EXOC2: variants seen among roughly 807,000 people sequenced by gnomAD.
EXOC2 encodes the protein SEC5-like 1.
In EXOC2, 70 loss-of-function variants were observed where a neutral mutation model predicts 131.8. The ratio of observed to expected loss-of-function variants is 0.53; its 90% CI spans 0.44 to 0.65. EXOC2 has a LOEUF of 0.65. Ranked by LOEUF, EXOC2 falls within the 30% of genes least tolerant of loss-of-function variation. The probability of loss-of-function intolerance (pLI) is 0.00; values close to 1 mark genes in which losing one functional copy is unlikely to be tolerated. For missense variants in EXOC2, 923 were observed against 1,108.6 expected (o/e 0.83, Z 2.38); for synonymous variants, 411 against 398.4 (o/e 1.03, Z -0.38).
At chr6:580,049 T>TTG (rs1227685153) in intron 11 of EXOC2, among the ~76,000 whole-genome samples, 2 of 20,292 alleles carry the variant, frequency 9.9e-5, no homozygotes, top group Non-Finnish European at 2.2e-4. Context: ...GTTTTTTTTG[T>TTG]TTTTTTTTTT....
intron 2 of EXOC2, among the ~76,000 whole-genome samples, chr6:633,409 G>A (rs1005187213): frequency 3.3e-5 from 5 of 152,124 alleles, no homozygotes; most frequent in African/African-American, 9.7e-5. Context: ...CTTAGATTAC[G>A]AGAATCTTAA....
intron 23 of EXOC2, among the ~76,000 whole-genome samples, chr6:511,149 G>A (rs1255720884): frequency 6.6e-6 from 1 of 152,214 alleles, no homozygotes; most frequent in Non-Finnish European, 1.5e-5. Flanking sequence ...TGCTGGGAAG[G>A]GTTCCTGCCA....
chr6:647,954 G>T (rs868330601), intron 1 of EXOC2, among the ~76,000 whole-genome samples: 1 of 151,988 alleles, frequency 6.6e-6, no homozygotes, highest in Non-Finnish European at 1.5e-5. Flanking sequence ...TCTTCCAGAC[G>T]CACAAAGCAG....
chr6:561,568 T>A (rs1364551145), intron 17 of EXOC2, among the ~76,000 whole-genome samples: 1 of 152,178 alleles, frequency 6.6e-6, no homozygotes, highest in Non-Finnish European at 1.5e-5. Context: ...CAGAAACTGC[T>A]AGTTGCCTCC....
intron 4 of EXOC2, among the ~76,000 whole-genome samples, chr6:621,726 C>T (rs1200589465): frequency 6.6e-6 from 1 of 152,120 alleles, no homozygotes; most frequent in African/African-American, 2.4e-5. Context: ...CCTCCCGATA[C>T]ATGCATGTGG....
At chr6:523,252 C>T (rs1161096327) in intron 23 of EXOC2, among the ~76,000 whole-genome samples, 1 of 152,218 alleles carries the variant, frequency 6.6e-6, no homozygotes, top group African/African-American at 2.4e-5. Flanking sequence ...ATTCAGGGCA[C>T]ACTCTTGAGA....
chr6:544,161 T>A (rs936275806), intron 22 of EXOC2, among the ~76,000 whole-genome samples: 3 of 152,236 alleles, frequency 2.0e-5, no homozygotes, highest in Non-Finnish European at 4.4e-5. Context: ...CCTTATTTCC[T>A]GCACTTCCCA....
intron 23 of EXOC2, among the ~76,000 whole-genome samples, chr6:508,385 A>G (rs1764678035): frequency 6.6e-6 from 1 of 152,190 alleles, no homozygotes; most frequent in African/African-American, 2.4e-5. Flanking sequence ...ATATATAACG[A>G]CAGGTACCAA....
At chr6:585,306 T>G (rs1759144156) in intron 11 of EXOC2, among the ~76,000 whole-genome samples, 2 of 152,068 alleles carry the variant, frequency 1.3e-5, no homozygotes, top group Admixed American at 6.5e-5. Context: ...GGCTACAGAG[T>G]TAGAGGATGC....
chr6:673,828 C>G (rs35857639), intron 1 of EXOC2, among the ~76,000 whole-genome samples: 27 of 151,998 alleles, frequency 1.8e-4, no homozygotes, highest in Admixed American at 6.6e-5. Context: ...CAAAATGTGA[C>G]GCAGAGACAT....
chr6:664,068 A>T (rs1357958270), intron 1 of EXOC2, among the ~76,000 whole-genome samples: 1 of 152,244 alleles, frequency 6.6e-6, no homozygotes, highest in African/African-American at 2.4e-5. Context: ...TAGAACTGAT[A>T]AAAGAATTCA....
chr6:648,166 A>G (rs1325779788), intron 1 of EXOC2, among the ~76,000 whole-genome samples: 2 of 152,188 alleles, frequency 1.3e-5, no homozygotes, highest in Non-Finnish European at 1.5e-5. Flanking sequence ...GCGACATAAT[A>G]TACACTCAGT....
chr6:527,955 T>C (rs578108631), intron 23 of EXOC2, among the ~76,000 whole-genome samples: 2 of 152,332 alleles, frequency 1.3e-5, no homozygotes, highest in African/African-American at 4.8e-5. Context: ...CAATGTGTAT[T>C]TGTAAGTAAA....
At chr6:658,645 T>TTATATATATATATATA (rs373868934) in intron 1 of EXOC2, among the ~76,000 whole-genome samples, 1 of 118,348 alleles carries the variant, frequency 8.4e-6, no homozygotes, top group African/African-American at 3.1e-5. Flanking sequence ...TATATATATT[T>TTATATATATATATATA]TATATATATA....
rs183684693 is a variant in EXOC2, at chr6:487,291, G to A, written c.2682-527C>T. ...TAACAGGTATTAGAGAGTGGGGAGC[G>A]AAAGCAGTGAGTTAACCACCAGGGC... On this transcript the variant is annotated intron_variant, in intron 27 of 27. Coordinates refer to ENST00000230449, the MANE Select transcript of EXOC2 (RefSeq NM_018303.6). Among the ~76,000 whole-genome samples, 124 of 147,988 alleles carry A rather than the reference G, an allele frequency of 8.4e-4. 2 individuals are homozygous for A. Among genetic ancestry groups the A allele is most frequent in the Admixed American group, 2.6e-3 (37 of 14,444 alleles).
At chr6:640,535 T>C (rs1762308345) in intron 1 of EXOC2, among the ~76,000 whole-genome samples, 1 of 152,154 alleles carries the variant, frequency 6.6e-6, no homozygotes, top group South Asian at 2.1e-4. Flanking sequence ...TACCCCAGAA[T>C]GTGGCTGTAT....
chr6:641,572 T>A (rs1468393526), intron 1 of EXOC2, among the ~76,000 whole-genome samples: 1 of 152,132 alleles, frequency 6.6e-6, no homozygotes, highest in African/African-American at 2.4e-5. Flanking sequence ...CGTAACTTAT[T>A]TAATACAAAT....
At chr6:570,214 G>A (rs846163) in intron 13 of EXOC2, among the ~76,000 whole-genome samples, 142,759 of 149,820 alleles carry the variant, frequency 0.95, 68,125 homozygotes, top group East Asian at 1. Context: ...GCTCACTGCA[G>A]GCTCCGCCTC....
chr6:493,973 G>T (rs867020124), intron 25 of EXOC2, among the ~76,000 whole-genome samples: 4 of 152,124 alleles, frequency 2.6e-5, no homozygotes, highest in African/African-American at 9.7e-5. Flanking sequence ...GTGTAGAGAG[G>T]GCGGATGCCT....
Sources: gnomAD v4.1 joint callset for allele counts (sites outside exome capture counted in the v4.1 genomes callset) on GRCh38, gnomAD v4.1.1 for gene constraint, MANE v1.5 for transcripts, NCBI Gene and HGNC (gene_info 2026-07-23, HGNC 2026-07-21) for gene names.